MAMLD1: variants seen among roughly 807,000 people sequenced by gnomAD.
MAMLD1 encodes mastermind like domain containing 1.
In MAMLD1, 14 loss-of-function variants were observed where a neutral mutation model predicts 45.0. That is an observed-to-expected ratio of 0.31 (90% CI 0.21 to 0.49). The LOEUF (loss-of-function observed/expected upper bound fraction) is 0.49. MAMLD1 is among the 20% of genes least tolerant of loss of function. The pLI is 0.99. For synonymous variants in MAMLD1, 254 were observed against 247.8 expected, an observed-to-expected ratio of 1.02 and a Z score of -0.24; for missense variants, 543 against 603.6, an observed-to-expected ratio of 0.90 and a Z score of 1.05.
chrX:150,366,191 T>G (rs781823116), intron 1 of MAMLD1, among the ~76,000 whole-genome samples: 52 of 112,304 alleles, frequency 4.6e-4, no homozygotes, highest in African/African-American at 1.7e-3. Context: ...CTACTTCCAT[T>G]TAATCTGATG....
intron 1 of MAMLD1, among the ~76,000 whole-genome samples, chrX:150,406,839 T>G (rs2034010040): frequency 9.0e-6 from 1 of 111,267 alleles, no homozygotes; most frequent in African/African-American, 3.3e-5. Context: ...CATTTTCATC[T>G]CTGAAAGCTT....
At chrX:150,382,449 T>A (rs1440019246) in intron 1 of MAMLD1, among the ~76,000 whole-genome samples, 1 of 111,771 alleles carries the variant, frequency 8.9e-6, no homozygotes, top group Non-Finnish European at 1.9e-5. Flanking sequence ...TTTCTCAAAA[T>A]TGTTTTAACC....
intron 1 of MAMLD1, among the ~76,000 whole-genome samples, chrX:150,402,574 A>T (rs1355594006): frequency 7.5e-4 from 84 of 112,280 alleles, no homozygotes; most frequent in African/African-American, 2.4e-3. Context: ...ATTACTGGGT[A>T]TATACCCAAA....
Position 150,393,316 on chromosome X carries a change from T to C in MAMLD1, c.-64+29786T>C, listed in dbSNP as rs1338993483. ...TAGTGCTGAATAATATTCCATTGCCTGGATGTGTCACAGTTTATCCATTCA... is the reference window on the plus strand; with the variant it reads ...TAGTGCTGAATAATATTCCATTGCCCGGATGTGTCACAGTTTATCCATTCA... On this transcript the variant is annotated intron_variant, in intron 1 of 7. Transcript: ENST00000370401. Among the ~76,000 whole-genome samples the C allele has an allele frequency of 2.7e-5, 3 of 112,362 alleles. No individual in the cohort carries two copies. In the East Asian group the frequency reaches 8.4e-4, roughly 31 times the overall value.
At position 150,470,703 on chromosome X, in the gene MAMLD1, G is replaced by A; in HGVS notation, c.1130G>A (p.Gly377Asp). The change falls in exon 4 of 8, where the codon GGT becomes GAT. Residue 377 changes from glycine (G) to aspartate (D), a missense_variant. By Grantham distance (94) the Gly-to-Asp change is moderately conservative (BLOSUM62 -1). Coordinates refer to ENST00000370401, the MANE Select transcript of MAMLD1 (RefSeq NM_005491.5). ...VSCMSSNTLS[G>D]STLRGSPNAL... ...TGCATGTCGTCCAATACCTTGTCGG[G>A]TAGCACTCTCCGAGGCTCTCCCAAT... The A allele has an allele frequency of 2.5e-6, 3 of 1,211,787 alleles. No homozygotes were observed. The highest frequency in any genetic ancestry group is 3.3e-6 in the Non-Finnish European group (3 of 895,530).
intron 2 of MAMLD1, among the ~76,000 whole-genome samples, chrX:150,447,214 T>A (rs1479347073): frequency 8.9e-6 from 1 of 112,338 alleles, no homozygotes. Context: ...TTGCCAAAAA[T>A]TCACATTCAT....
chrX:150,436,182 T>G (rs2035119098), intron 1 of MAMLD1, among the ~76,000 whole-genome samples: 1 of 109,570 alleles, frequency 9.1e-6, no homozygotes, highest in Non-Finnish European at 1.9e-5. Flanking sequence ...TCTTGGAGAA[T>G]GTGATGACTG....
At chrX:150,444,091 G>A (rs2035411063) in intron 1 of MAMLD1, among the ~76,000 whole-genome samples, 1 of 111,889 alleles carries the variant, frequency 8.9e-6, no homozygotes, top group South Asian at 3.8e-4. Context: ...ACATCAGGGA[G>A]GATGGAGCTC....
chrX:150,493,206 C>T (rs1445804453), intron 5 of MAMLD1, among the ~76,000 whole-genome samples: 1 of 111,549 alleles, frequency 9.0e-6, no homozygotes, highest in Non-Finnish European at 1.9e-5. Context: ...CAGACAAACT[C>T]TAAGTCCCCT....
intron 1 of MAMLD1, among the ~76,000 whole-genome samples, chrX:150,431,101 C>A (rs1396767217): frequency 1.8e-5 from 2 of 111,824 alleles, no homozygotes; most frequent in African/African-American, 6.5e-5. Flanking sequence ...TTCTTTAATT[C>A]TTTGATTTCT....
At chrX:150,460,687 G>C (rs1167290922) in intron 2 of MAMLD1, among the ~76,000 whole-genome samples, 2 of 112,025 alleles carry the variant, frequency 1.8e-5, no homozygotes, top group Non-Finnish European at 3.8e-5. Context: ...TCTGTAGAGA[G>C]AGCTGTGGCT....
chrX:150,406,785 A>C (rs2034008621), intron 1 of MAMLD1, among the ~76,000 whole-genome samples: 1 of 110,815 alleles, frequency 9.0e-6, no homozygotes, highest in Non-Finnish European at 1.9e-5. Context: ...CGAGGGTCTG[A>C]CTCAGCTTCT....
chrX:150,491,936 G>A (rs1290400972), intron 5 of MAMLD1, among the ~76,000 whole-genome samples: 2 of 112,297 alleles, frequency 1.8e-5, no homozygotes, highest in Admixed American at 9.4e-5. Context: ...GCAACACAGG[G>A]GTCCTGCTAG....
At chrX:150,499,069 G>A (rs782210966) in intron 5 of MAMLD1, among the ~76,000 whole-genome samples, 1 of 111,954 alleles carries the variant, frequency 8.9e-6, no homozygotes, top group South Asian at 3.7e-4. Context: ...CTCTAGCATA[G>A]TAACCTCACA....
At chrX:150,393,640 A>G (rs1328848652) in intron 1 of MAMLD1, among the ~76,000 whole-genome samples, 1 of 112,290 alleles carries the variant, frequency 8.9e-6, no homozygotes, top group Non-Finnish European at 1.9e-5. Flanking sequence ...ATAGGTGTGT[A>G]GCCGTTATCT....
rs59021294 is a variant in MAMLD1, at chrX:150,490,220, G to A, written c.2041-13054G>A. Among the ~76,000 whole-genome samples the A allele has an allele frequency of 3.6e-3, 405 of 112,214 alleles. 2 individuals are homozygous for A. The highest frequency in any genetic ancestry group is 0.012 in the African/African-American group (386 of 30,890). On this transcript the variant is annotated intron_variant, in intron 5 of 7. Coordinates refer to ENST00000370401, the MANE Select transcript of MAMLD1 (RefSeq NM_005491.5). Reference sequence around the variant, plus strand: ...TTGTGGGTGGGAAGGCAGAGTCCCTGGCAGGCAGTAGACAGCTACAGGAAC... The same window carrying A: ...TTGTGGGTGGGAAGGCAGAGTCCCTAGCAGGCAGTAGACAGCTACAGGAAC...
chrX:150,442,503 A>T (rs1041100853), intron 1 of MAMLD1, among the ~76,000 whole-genome samples: 2 of 111,569 alleles, frequency 1.8e-5, no homozygotes, highest in Non-Finnish European at 3.8e-5. Context: ...TATGCATAAC[A>T]TAATAATCTA....
intron 1 of MAMLD1, among the ~76,000 whole-genome samples, chrX:150,427,446 G>T (rs138680184): frequency 1.3e-4 from 14 of 111,990 alleles, no homozygotes; most frequent in South Asian, 7.6e-4. Flanking sequence ...CTTGAAAAAT[G>T]ATGGCTCTAA....
chrX:150,468,122 G>A (rs1464115902), intron 3 of MAMLD1, among the ~76,000 whole-genome samples: 1 of 111,881 alleles, frequency 8.9e-6, no homozygotes, highest in East Asian at 2.8e-4. Flanking sequence ...AAAAACTCCC[G>A]ATGCCTGGGC....
Sources: allele counts gnomAD v4.1 joint callset (sites outside exome capture counted in the v4.1 genomes callset), GRCh38; gene constraint gnomAD v4.1.1; transcripts MANE v1.5; gene names NCBI Gene and HGNC (gene_info 2026-07-23, HGNC 2026-07-21).